TRPM3: variants seen among roughly 807,000 people sequenced by gnomAD.
The protein encoded by TRPM3 is long transient receptor potential channel 3.
Under a neutral mutation model 181.2 loss-of-function variants are expected in TRPM3, and 77 were observed. The observed-to-expected ratio is 0.42, with a 90% CI of 0.35 to 0.51. TRPM3 has a LOEUF of 0.51. Ranked by LOEUF, TRPM3 falls within the 20% of genes least tolerant of loss-of-function variation. TRPM3 has a pLI of 0.01. For synonymous variants in TRPM3, 745 were observed against 796.4 expected (o/e 0.94, Z 1.09); for missense variants, 1,759 against 2,196.7 (o/e 0.80, Z 3.98).
intron 1 of TRPM3, among the ~76,000 whole-genome samples, chr9:71,196,512 C>T (rs1286630995): frequency 1.3e-5 from 2 of 151,790 alleles, no homozygotes; most frequent in Non-Finnish European, 2.9e-5. Context: ...CCTGCATTTT[C>T]CATTATCATG....
At chr9:70,786,727 C>G (rs1197982066) in intron 6 of TRPM3, among the ~76,000 whole-genome samples, 2 of 152,032 alleles carry the variant, frequency 1.3e-5, no homozygotes, top group African/African-American at 4.8e-5. Flanking sequence ...TTTATTTTTT[C>G]CCTTGATTTG....
At chr9:71,163,455 A>G (rs1406764294) in intron 1 of TRPM3, among the ~76,000 whole-genome samples, 1 of 152,192 alleles carries the variant, frequency 6.6e-6, no homozygotes, top group Non-Finnish European at 1.5e-5. Flanking sequence ...ATGCTTTGGT[A>G]TACTGAGTGG....
chr9:71,133,029 G>C (rs1464593718), intron 1 of TRPM3, among the ~76,000 whole-genome samples: 2 of 152,040 alleles, frequency 1.3e-5, no homozygotes, highest in African/African-American at 4.8e-5. Flanking sequence ...AGGATGATTA[G>C]TTCATAAATC....
intron 1 of TRPM3, among the ~76,000 whole-genome samples, chr9:70,925,853 C>T (rs929366452): frequency 7.9e-5 from 12 of 151,952 alleles, no homozygotes; most frequent in African/African-American, 2.9e-4. Context: ...CATCCTCTTT[C>T]CTGGGTTAAG....
chr9:71,143,269 A>T (rs2075226073), intron 1 of TRPM3, among the ~76,000 whole-genome samples: 2 of 152,256 alleles, frequency 1.3e-5, no homozygotes, highest in South Asian at 4.1e-4. Context: ...TTTATTGTAC[A>T]GATTATTTCA....
chr9:71,446,004 C>T (rs762223158), intron 1 of TRPM3, among the ~76,000 whole-genome samples: 3 of 152,186 alleles, frequency 2.0e-5, no homozygotes, highest in African/African-American at 2.4e-5. Flanking sequence ...ACATATGATG[C>T]CTATATTAAT....
At chr9:70,922,431 T>G (rs1404305263) in intron 1 of TRPM3, among the ~76,000 whole-genome samples, 2 of 152,134 alleles carry the variant, frequency 1.3e-5, no homozygotes, top group Non-Finnish European at 2.9e-5. Flanking sequence ...TCCTAAACAT[T>G]ATTGAATTGC....
At chr9:70,912,164 A>C (rs1198430911) in intron 1 of TRPM3, among the ~76,000 whole-genome samples, 1 of 152,228 alleles carries the variant, frequency 6.6e-6, no homozygotes, top group African/African-American at 2.4e-5. Flanking sequence ...AGTCAAAGAA[A>C]AGAAAGAAGG....
chr9:70,677,687 CTG>C (rs1417905439), intron 9 of TRPM3, among the ~76,000 whole-genome samples: 2 of 152,172 alleles, frequency 1.3e-5, no homozygotes, highest in Admixed American at 1.3e-4. Flanking sequence ...GAAAAGTTTT[CTG>C]TGTATCTTCA....
chr9:71,291,842 T>C (rs972749281), intron 1 of TRPM3, among the ~76,000 whole-genome samples: 2 of 152,016 alleles, frequency 1.3e-5, no homozygotes, highest in Non-Finnish European at 2.9e-5. Flanking sequence ...GACAAATAAA[T>C]CCTGAAACCA....
chr9:71,291,418 T>G (rs879356447), intron 1 of TRPM3, among the ~76,000 whole-genome samples: 3 of 152,172 alleles, frequency 2.0e-5, no homozygotes, highest in Non-Finnish European at 4.4e-5. Flanking sequence ...GCAGTGCTCT[T>G]TCTATTTTGT....
At chr9:70,994,515 T>C (rs1349364893) in intron 1 of TRPM3, among the ~76,000 whole-genome samples, 1 of 152,118 alleles carries the variant, frequency 6.6e-6, no homozygotes, top group Non-Finnish European at 1.5e-5. Context: ...TTCACTTTTT[T>C]TTTTCAAAAT....
At chr9:71,106,354 G>A (rs1210530265) in intron 1 of TRPM3, among the ~76,000 whole-genome samples, 2 of 152,068 alleles carry the variant, frequency 1.3e-5, no homozygotes, top group Non-Finnish European at 2.9e-5. Context: ...CAGATCCCTC[G>A]TGAATGGCTT....
intron 1 of TRPM3, among the ~76,000 whole-genome samples, chr9:71,289,918 A>G (rs1192560595): frequency 2.0e-5 from 3 of 150,658 alleles, no homozygotes; most frequent in Non-Finnish European, 4.4e-5. Flanking sequence ...TAAGAACTAG[A>G]TAAGAATTGA....
chr9:71,241,283 T>C (rs1466732157), intron 1 of TRPM3, among the ~76,000 whole-genome samples: 1 of 152,180 alleles, frequency 6.6e-6, no homozygotes, highest in South Asian at 2.1e-4. Context: ...TAAGCTTTTC[T>C]GGCTTATGCA....
intron 1 of TRPM3, among the ~76,000 whole-genome samples, chr9:71,002,468 A>G (rs900113276): frequency 1.3e-4 from 20 of 152,342 alleles, no homozygotes; most frequent in African/African-American, 4.8e-4. Flanking sequence ...ACCGAGTTTA[A>G]TATGCACAAC....
chr9:71,320,274 C>T (rs2871375), intron 1 of TRPM3, among the ~76,000 whole-genome samples: 134,072 of 151,894 alleles, frequency 0.88, 60,346 homozygotes, highest in Non-Finnish European at 0.97. Flanking sequence ...TCTAGAATTA[C>T]CTTTCTTGCA....
intron 1 of TRPM3, among the ~76,000 whole-genome samples, chr9:71,162,533 T>C (rs940175859): frequency 6.6e-6 from 1 of 152,168 alleles, no homozygotes; most frequent in East Asian, 1.9e-4. Context: ...ACTAGAAATA[T>C]GTAGTTAGCA....
At chr9:70,977,837 T>C (rs1303924174) in intron 1 of TRPM3, among the ~76,000 whole-genome samples, 1 of 152,194 alleles carries the variant, frequency 6.6e-6, no homozygotes, top group African/African-American at 2.4e-5. Flanking sequence ...ACGTGGGAAG[T>C]GGCACAAAGC....
Sources: allele counts gnomAD v4.1 joint callset (sites outside exome capture counted in the v4.1 genomes callset), GRCh38; gene constraint gnomAD v4.1.1; transcripts MANE v1.5; gene names NCBI Gene and HGNC (gene_info 2026-07-23, HGNC 2026-07-21).